Variants in STK31 observed in about 807,000 individuals in gnomAD.
STK31 encodes the protein serine/threonine-protein kinase 31.
In STK31, 89 loss-of-function variants were observed where a neutral mutation model predicts 129.7. That is an observed-to-expected ratio of 0.69 (90% CI 0.58 to 0.82). STK31 has a LOEUF of 0.82. Ranked by LOEUF, STK31 falls within the 40% of genes least tolerant of loss-of-function variation. The pLI, the probability that STK31 is intolerant of heterozygous loss-of-function variation, is 0.00. For missense variants in STK31, 1,187 were observed against 1,176.4 expected (o/e 1.01, Z -0.13); for synonymous variants, 448 against 395.3 (o/e 1.13, Z -1.58).
At chr7:23,820,892 A>G (rs1423888285) in intron 23 of STK31, among the ~76,000 whole-genome samples, 1 of 152,074 alleles carries the variant, frequency 6.6e-6, no homozygotes, top group Non-Finnish European at 1.5e-5. Flanking sequence ...CATTTTCTTT[A>G]TATTTCTTTA....
intron 11 of STK31, among the ~76,000 whole-genome samples, chr7:23,763,703 C>T (rs952924320): frequency 1.3e-5 from 2 of 151,952 alleles, no homozygotes; most frequent in African/African-American, 4.8e-5. Flanking sequence ...TCTTTTAGTT[C>T]TCATTTGTCT....
intron 6 of STK31, among the ~76,000 whole-genome samples, chr7:23,731,869 A>G (rs1351951227): frequency 2.0e-5 from 3 of 152,264 alleles, no homozygotes; most frequent in African/African-American, 4.8e-5. Context: ...AGAGGAATAA[A>G]GTAGAAAGCA....
intron 22 of STK31, among the ~76,000 whole-genome samples, chr7:23,795,185 C>T (rs549268713): frequency 2.6e-5 from 4 of 152,306 alleles, no homozygotes; most frequent in Admixed American, 1.3e-4. Flanking sequence ...TGGGCTGGGC[C>T]CACGGTCCCC....
At chr7:23,738,617 C>T (rs573638236) in intron 8 of STK31, among the ~76,000 whole-genome samples, 10 of 152,012 alleles carry the variant, frequency 6.6e-5, no homozygotes, top group Non-Finnish European at 1.3e-4. Flanking sequence ...TCCCCAATGG[C>T]ATGATCTCGG....
At chr7:23,726,770 T>C (rs139873249) in intron 4 of STK31, among the ~76,000 whole-genome samples, 2 of 152,344 alleles carry the variant, frequency 1.3e-5, no homozygotes, top group Non-Finnish European at 2.9e-5. Context: ...AATGTCCTTA[T>C]ACGTAAAGTA....
intron 3 of STK31, among the ~76,000 whole-genome samples, chr7:23,716,603 C>T (rs1786338748): frequency 6.6e-6 from 1 of 152,030 alleles, no homozygotes; most frequent in Non-Finnish European, 1.5e-5. Flanking sequence ...AGAGCTGTCT[C>T]TTCTCTGCCA....
chr7:23,830,500 A>G (rs1365396826), intron 23 of STK31, among the ~76,000 whole-genome samples: 2 of 151,650 alleles, frequency 1.3e-5, no homozygotes, highest in Admixed American at 1.3e-4. Context: ...TCTTCCTTGA[A>G]CCAGTGATTG....
Position 23,831,499 on chromosome 7 carries a change from T to TA in STK31, c.2830-629dup, listed in dbSNP as rs932009625. ...TTTTGCAGCATACAATTGGGTCATT[T>TA]AAAAAAAAGAAAAACTCCTTTCAAC... On this transcript the variant is annotated intron_variant, in intron 23 of 23. Transcript: ENST00000355870. Among the ~76,000 whole-genome samples the TA allele has an allele frequency of 1.4e-4, 22 of 152,094 alleles. No individual in the cohort carries two copies. In the East Asian group the frequency reaches 1.9e-3, roughly 13 times the overall value.
chr7:23,820,028 T>C (rs911781068), intron 23 of STK31, among the ~76,000 whole-genome samples: 3 of 152,220 alleles, frequency 2.0e-5, no homozygotes, highest in Admixed American at 2.0e-4. Flanking sequence ...TTCTGACCAG[T>C]ACCTTGTTAA....
chr7:23,758,562 A>G (rs1318534355), intron 10 of STK31, among the ~76,000 whole-genome samples: 1 of 151,742 alleles, frequency 6.6e-6, no homozygotes, highest in Non-Finnish European at 1.5e-5. Context: ...TTGTGATGTT[A>G]AGGTGTTGAT....
At chr7:23,744,269 G>A (rs944138797) in intron 8 of STK31, among the ~76,000 whole-genome samples, 12 of 149,168 alleles carry the variant, frequency 8.0e-5, no homozygotes, top group African/African-American at 1.7e-4. Flanking sequence ...TATTTCATTC[G>A]GTGAATCCTT....
At chr7:23,809,232 C>T (rs1792932196) in intron 22 of STK31, among the ~76,000 whole-genome samples, 1 of 151,290 alleles carries the variant, frequency 6.6e-6, no homozygotes, top group Non-Finnish European at 1.5e-5. Flanking sequence ...GCTCTTGTAC[C>T]TTGGGAGCTG....
rs1787267114 is a variant in STK31, at chr7:23,729,433, TAAG to T, written c.483+187_483+189del. ...CTTTGCTAGGTAAACATTGAACAGATAAGAATGACATACACATATATAATATAT... is the reference window on the plus strand; with the variant it reads ...CTTTGCTAGGTAAACATTGAACAGATAATGACATACACATATATAATATAT... On this transcript the variant is annotated intron_variant, in intron 6 of 23. Coordinates refer to ENST00000355870, the MANE Select transcript of STK31 (RefSeq NM_031414.5). 2.0e-5 allele frequency among the ~76,000 whole-genome samples: 3 copies of T among 152,048 alleles called. No individual in the cohort carries two copies. In the South Asian group the frequency reaches 6.2e-4, roughly 32 times the overall value.
chr7:23,768,104 T>G (rs1461014381), intron 11 of STK31, among the ~76,000 whole-genome samples: 1 of 152,146 alleles, frequency 6.6e-6, no homozygotes, highest in Non-Finnish European at 1.5e-5. Context: ...TTAAGTACAG[T>G]CAAGGGCTGC....
At position 23,832,406 on chromosome 7, in the gene STK31, T is replaced by TTTGA; in HGVS notation, c.*43_*44insATTG. On this transcript the variant is annotated 3_prime_UTR_variant, in exon 24 of 24. Coordinates refer to ENST00000355870, the MANE Select transcript of STK31 (RefSeq NM_031414.5). ...TGTTGCAGAGGTTCTTTTTAAAAAC[T>TTTGA]TTGGTTTGGTTAATACACAGAAATA... 1 of 1,330,082 alleles carries TTTGA rather than the reference T, an allele frequency of 7.5e-7. No individual in the cohort carries two copies. The highest frequency in any genetic ancestry group is 9.9e-7 in the Non-Finnish European group (1 of 1,006,830). 82.4% of individuals were successfully genotyped at this position (1,330,082 alleles called of 1,614,324 possible). A position where few individuals can be genotyped will look rare whatever the true frequency, so the allele number is the denominator to read the frequency against.
At chr7:23,808,121 A>G (rs1179428366) in intron 22 of STK31, among the ~76,000 whole-genome samples, 1 of 148,940 alleles carries the variant, frequency 6.7e-6, no homozygotes. Context: ...CATTTGGGTT[A>G]TTATGTTGTG....
chr7:23,749,179 C>G (rs1788533333), intron 8 of STK31, among the ~76,000 whole-genome samples: 1 of 152,208 alleles, frequency 6.6e-6, no homozygotes, highest in South Asian at 2.1e-4. Context: ...ATGCTATCTA[C>G]TTTCTCCATT....
At chr7:23,718,694 G>C (rs887247223) in intron 4 of STK31, among the ~76,000 whole-genome samples, 2 of 152,008 alleles carry the variant, frequency 1.3e-5, no homozygotes, top group African/African-American at 4.8e-5. Flanking sequence ...TCTTTTTTAA[G>C]CTATTTAACA....
chr7:23,749,700 A>G (rs1584379564), intron 8 of STK31, among the ~76,000 whole-genome samples: 2 of 152,104 alleles, frequency 1.3e-5, no homozygotes, highest in East Asian at 1.9e-4. Context: ...TAAAAAAGCA[A>G]TTGGTTTAAA....
Sources: gnomAD v4.1 joint callset for allele counts (sites outside exome capture counted in the v4.1 genomes callset) on GRCh38, gnomAD v4.1.1 for gene constraint, MANE v1.5 for transcripts, NCBI Gene and HGNC (gene_info 2026-07-23, HGNC 2026-07-21) for gene names.